SNTG2: variants seen among roughly 807,000 people sequenced by gnomAD.
The protein encoded by SNTG2 is gamma-2-syntrophin.
SNTG2 carries 74 observed loss-of-function variants against 70.9 expected under a neutral mutation model. The ratio of observed to expected loss-of-function variants is 1.04; its 90% confidence interval spans 0.86 to 1.27. The LOEUF (loss-of-function observed/expected upper bound fraction) is 1.27, where lower values mean the gene tolerates loss of function less well. Among genes scored for constraint, SNTG2 ranks in the 50% most tolerant of loss-of-function variants. The probability of loss-of-function intolerance (pLI) is 0.00; values close to 1 mark genes in which losing one functional copy is unlikely to be tolerated. For synonymous variants in SNTG2, 278 were observed against 273.8 expected (o/e 1.02, Z -0.15); for missense variants, 717 against 690.7 (o/e 1.04, Z -0.43).
intron 16 of SNTG2, among the ~76,000 whole-genome samples, chr2:1,347,846 C>T (rs533203359): frequency 6.6e-5 from 10 of 152,220 alleles, no homozygotes; most frequent in Non-Finnish European, 1.2e-4. Flanking sequence ...TGTGCCCCTG[C>T]CCTGCTGCCT....
At chr2:1,005,409 A>G (rs1211384875) in intron 1 of SNTG2, among the ~76,000 whole-genome samples, 1 of 151,652 alleles carries the variant, frequency 6.6e-6, no homozygotes, top group Non-Finnish European at 1.5e-5. Flanking sequence ...GGCTGTGCAC[A>G]TGTGGGGGCG....
At chr2:1,185,880 C>G (rs2147925945) in intron 8 of SNTG2, among the ~76,000 whole-genome samples, 1 of 152,342 alleles carries the variant, frequency 6.6e-6, no homozygotes, top group African/African-American at 2.4e-5. Context: ...ATTTCTGCAA[C>G]TGGCTGGAAT....
rs77915943 is a variant in SNTG2, at chr2:1,090,102, G to A, written c.210+6447G>A. On this transcript the variant is annotated intron_variant, in intron 2 of 16. Coordinates refer to ENST00000308624, the MANE Select transcript of SNTG2 (RefSeq NM_018968.4). ...TTGTAGATAAATGGAATGCCATTAG[G>A]TGCTCATTTTGCAAACGTTATGCTT... Among the ~76,000 whole-genome samples the A allele has an allele frequency of 2.4e-3, 367 of 152,252 alleles. 6 individuals carry two copies. Among genetic ancestry groups the A allele is most frequent in the East Asian group, 0.02 (102 of 5,180 alleles).
chr2:1,214,925 T>C (rs1489140495), intron 9 of SNTG2, among the ~76,000 whole-genome samples: 1 of 152,214 alleles, frequency 6.6e-6, no homozygotes, highest in Admixed American at 6.5e-5. Context: ...CCTAATTTGT[T>C]GAGAGCTTTG....
rs555979567 is a variant in SNTG2, at chr2:1,178,858, G to T, written c.591+5675G>T. ...GGATTCCCTCTTTTTGTATTGACTG[G>T]AATAGTTTCAGAAGGAATGGTACCA... On this transcript the variant is annotated intron_variant, in intron 8 of 16. Coordinates refer to ENST00000308624, the MANE Select transcript of SNTG2 (RefSeq NM_018968.4). Among the ~76,000 whole-genome samples the T allele has an allele frequency of 9.3e-4, 142 of 152,284 alleles. 1 individual carries two copies. The highest frequency in any genetic ancestry group is 3.1e-3 in the African/African-American group (129 of 41,556).
intron 1 of SNTG2, among the ~76,000 whole-genome samples, chr2:971,017 G>A (rs1440810761): frequency 2.6e-5 from 4 of 152,240 alleles, no homozygotes; most frequent in African/African-American, 7.2e-5. Context: ...TGGAGAGGAT[G>A]TGGAGAAATA....
intron 7 of SNTG2, 23 bp downstream of exon 7, chr2:1,165,658 C>G (rs771003759): frequency 6.3e-7 from 1 of 1,584,534 alleles, no homozygotes; most frequent in Non-Finnish European, 8.6e-7. Context: ...AGGAGAAATG[C>G]CAGGGTGCTG....
intron 9 of SNTG2, among the ~76,000 whole-genome samples, chr2:1,227,828 G>A (rs1247472398): frequency 1.3e-5 from 2 of 152,176 alleles, no homozygotes; most frequent in Non-Finnish European, 2.9e-5. Flanking sequence ...TACTGGTGCC[G>A]CTATTAAAGT....
At chr2:1,174,273 GA>G (rs59950431) in intron 8 of SNTG2, among the ~76,000 whole-genome samples, 2,375 of 141,408 alleles carry the variant, frequency 0.017, 65 homozygotes, top group African/African-American at 0.061. Context: ...TTTCTTGATT[GA>G]AAAAAAGTTT....
At chr2:974,158 G>GC (rs1660836756) in intron 1 of SNTG2, among the ~76,000 whole-genome samples, 2 of 152,144 alleles carry the variant, frequency 1.3e-5, no homozygotes, top group Non-Finnish European at 2.9e-5. Context: ...GTTGAGTTGA[G>GC]CTGGGTGGTT....
At chr2:1,017,590 C>T (rs1320347103) in intron 1 of SNTG2, among the ~76,000 whole-genome samples, 2 of 152,138 alleles carry the variant, frequency 1.3e-5, no homozygotes, top group African/African-American at 2.4e-5. Flanking sequence ...CATGTATGTA[C>T]ATGTATTTAT....
At chr2:1,348,057 A>C (rs1189926917) in intron 16 of SNTG2, among the ~76,000 whole-genome samples, 2 of 151,568 alleles carry the variant, frequency 1.3e-5, no homozygotes, top group African/African-American at 4.9e-5. Flanking sequence ...CCGGGTTGCA[A>C]CTCTCAAGCT....
intron 8 of SNTG2, among the ~76,000 whole-genome samples, chr2:1,198,581 T>C (rs545257739): frequency 6.6e-6 from 1 of 151,558 alleles, no homozygotes; most frequent in African/African-American, 2.4e-5. Flanking sequence ...CAGAGCAGAA[T>C]TAAATAGAGA....
intron 4 of SNTG2, among the ~76,000 whole-genome samples, chr2:1,102,273 G>C (rs1461918226): frequency 5.3e-5 from 8 of 152,180 alleles, no homozygotes; most frequent in African/African-American, 1.9e-4. Context: ...TTTAAAATTA[G>C]TGTGATTAGG....
At chr2:1,237,671 A>T (rs925483973) in intron 9 of SNTG2, among the ~76,000 whole-genome samples, 1 of 152,232 alleles carries the variant, frequency 6.6e-6, no homozygotes, top group Non-Finnish European at 1.5e-5. Flanking sequence ...TTCATGTTTC[A>T]TCGAATTAGA....
At chr2:1,229,950 C>T (rs541673303) in intron 9 of SNTG2, among the ~76,000 whole-genome samples, 2 of 152,330 alleles carry the variant, frequency 1.3e-5, no homozygotes, top group African/African-American at 4.8e-5. Flanking sequence ...GCGCCGCACG[C>T]AGCCCCCGTT....
At chr2:1,265,154 G>T (rs1678653827) in intron 13 of SNTG2, among the ~76,000 whole-genome samples, 1 of 152,150 alleles carries the variant, frequency 6.6e-6, no homozygotes, top group African/African-American at 2.4e-5. Context: ...AAGTTCAGTG[G>T]ATAAAGAGAT....
chr2:1,320,561 A>G (rs1681477101), intron 16 of SNTG2, among the ~76,000 whole-genome samples: 5 of 151,758 alleles, frequency 3.3e-5, no homozygotes, highest in African/African-American at 7.3e-5. Context: ...AAGAAAGAAA[A>G]AAAGAAAAGA....
At chr2:1,255,884 AAATATATATAAAT>A (rs1558602762) in intron 12 of SNTG2, among the ~76,000 whole-genome samples, 29 of 90,410 alleles carry the variant, frequency 3.2e-4, no homozygotes, top group African/African-American at 1.6e-3. Flanking sequence ...ATATATATAT[AAATATATATAAAT>A]ATATATATAA....
Sources: gnomAD v4.1 joint callset for allele counts (sites outside exome capture counted in the v4.1 genomes callset) on GRCh38, gnomAD v4.1.1 for gene constraint, MANE v1.5 for transcripts, NCBI Gene and HGNC (gene_info 2026-07-23, HGNC 2026-07-21) for gene names.